The following LRRTM4 variants were observed in gnomAD, a reference collection of about 807,000 sequenced individuals.
LRRTM4 encodes the protein leucine-rich repeat transmembrane neuronal protein 4.
A neutral mutation model predicts 47.6 loss-of-function variants in LRRTM4; 25 were observed. The observed-to-expected ratio is 0.53, with a 90% confidence interval of 0.38 to 0.73. The LOEUF is 0.73. LRRTM4 is among the 30% of genes least tolerant of loss of function. The pLI, the probability that LRRTM4 is intolerant of heterozygous loss-of-function variation, is 0.00. For synonymous variants in LRRTM4, 311 were observed against 269.5 expected, an observed-to-expected ratio of 1.15 and a Z score of -1.51; for missense variants, 638 against 713.4, an observed-to-expected ratio of 0.89 and a Z score of 1.20.
At chr2:76,955,949 C>A (rs1307255178) in intron 3 of LRRTM4, among the ~76,000 whole-genome samples, 1 of 150,886 alleles carries the variant, frequency 6.6e-6, no homozygotes, top group East Asian at 2.0e-4. Context: ...AATAAAATGG[C>A]AAAAGTAAAT....
At chr2:77,169,890 T>A (rs2103830749) in intron 3 of LRRTM4, among the ~76,000 whole-genome samples, 1 of 152,294 alleles carries the variant, frequency 6.6e-6, no homozygotes, top group East Asian at 1.9e-4. Context: ...TTGTGTAAAG[T>A]TTTTTTAGGT....
intron 3 of LRRTM4, among the ~76,000 whole-genome samples, chr2:77,471,118 A>G (rs1366004894): frequency 6.6e-6 from 1 of 152,072 alleles, no homozygotes; most frequent in Non-Finnish European, 1.5e-5. Context: ...TGACATTTCC[A>G]CTTGCATTTC....
intron 3 of LRRTM4, among the ~76,000 whole-genome samples, chr2:77,253,588 G>A (rs1325396301): frequency 6.6e-6 from 1 of 152,032 alleles, no homozygotes; most frequent in Non-Finnish European, 1.5e-5. Flanking sequence ...ACTTGAAAAG[G>A]AAATGACAAC....
At chr2:76,929,754 A>G (rs907664649) in intron 3 of LRRTM4, among the ~76,000 whole-genome samples, 1 of 152,198 alleles carries the variant, frequency 6.6e-6, no homozygotes, top group South Asian at 2.1e-4. Flanking sequence ...CCACCAAACC[A>G]CATATCCTAG....
chr2:76,851,335 C>A (rs1671988381), intron 3 of LRRTM4, among the ~76,000 whole-genome samples: 1 of 152,144 alleles, frequency 6.6e-6, no homozygotes, highest in South Asian at 2.1e-4. Flanking sequence ...AGCTTAACAA[C>A]CACTTTACCT....
intron 3 of LRRTM4, among the ~76,000 whole-genome samples, chr2:77,391,920 A>G (rs1181144104): frequency 6.6e-6 from 1 of 152,074 alleles, no homozygotes; most frequent in African/African-American, 2.4e-5. Context: ...TGGTACGGCA[A>G]CATATAATAG....
At chr2:77,040,237 A>C (rs1357630400) in intron 3 of LRRTM4, among the ~76,000 whole-genome samples, 1 of 151,228 alleles carries the variant, frequency 6.6e-6, no homozygotes, top group East Asian at 1.9e-4. Flanking sequence ...CATATATTGA[A>C]CCTCCTTATG....
intron 3 of LRRTM4, among the ~76,000 whole-genome samples, chr2:77,183,236 A>G (rs149501871): frequency 1.3e-3 from 205 of 152,310 alleles, no homozygotes; most frequent in African/African-American, 4.8e-3. Context: ...ACAAATTTAC[A>G]ACAAAAAAAC....
intron 3 of LRRTM4, among the ~76,000 whole-genome samples, chr2:76,979,541 G>GTGTATATATATATATATATATATATA (rs1553439564): frequency 1.6e-5 from 2 of 126,904 alleles, no homozygotes; most frequent in African/African-American, 6.9e-5. Flanking sequence ...CTGAATTTCT[G>GTGTATATATATATATATATATATATA]TATATATATA....
chr2:77,332,996 T>C (rs190895524), intron 3 of LRRTM4, among the ~76,000 whole-genome samples: 3 of 152,246 alleles, frequency 2.0e-5, no homozygotes, highest in African/African-American at 4.8e-5. Context: ...TGTTCTCACG[T>C]TAGTGAATGA....
At chr2:76,765,181 C>T (rs537307184) in intron 3 of LRRTM4, among the ~76,000 whole-genome samples, 52 of 152,262 alleles carry the variant, frequency 3.4e-4, no homozygotes, top group Non-Finnish European at 6.0e-4. Flanking sequence ...TAGAATAGGT[C>T]GTCTATTCTA....
At chr2:77,035,092 T>C (rs922360522) in intron 3 of LRRTM4, among the ~76,000 whole-genome samples, 24 of 151,992 alleles carry the variant, frequency 1.6e-4, no homozygotes, top group Admixed American at 1.4e-3. Context: ...CTTTAAGTTC[T>C]AGGGTACATG....
rs529215291 is a variant in LRRTM4 at position 76,894,466 on chromosome 2, ATTTG to A, written c.1552-145554_1552-145551del. ...AGGATATGTCTAAACTATTTCATAAATTTGTTTGTAATCACTTGAAACTTTCACA... is the reference window on the plus strand; with the variant it reads ...AGGATATGTCTAAACTATTTCATAAATTTGTAATCACTTGAAACTTTCACA... On this transcript the variant is annotated intron_variant, in intron 3 of 3. Transcript: ENST00000409884. 4.0e-4 allele frequency among the ~76,000 whole-genome samples: 61 copies of A among 152,158 alleles called. No homozygotes were observed. In the East Asian group the frequency reaches 7.5e-3, roughly 19 times the overall value.
chr2:77,234,345 A>G (rs1675047310), intron 3 of LRRTM4, among the ~76,000 whole-genome samples: 1 of 152,198 alleles, frequency 6.6e-6, no homozygotes, highest in Non-Finnish European at 1.5e-5. Flanking sequence ...AACTCCTTGG[A>G]AAAGAGATTT....
chr2:77,434,337 C>T (rs1437436433), intron 3 of LRRTM4, among the ~76,000 whole-genome samples: 2 of 151,298 alleles, frequency 1.3e-5, no homozygotes, highest in Non-Finnish European at 2.9e-5. Context: ...GATACCAAAA[C>T]AGGCCAATAG....
intron 3 of LRRTM4, among the ~76,000 whole-genome samples, chr2:77,234,068 C>A (rs76654839): frequency 3.3e-5 from 5 of 152,224 alleles, no homozygotes; most frequent in Non-Finnish European, 5.9e-5. Context: ...CAGGTGTGAG[C>A]CACCACTCTC....
chr2:77,143,035 C>A lies in LRRTM4; in HGVS notation c.1551+375283G>T, dbSNP rs779284247. Among the ~76,000 whole-genome samples, 16 of 152,118 alleles carry A rather than the reference C, an allele frequency of 1.1e-4. 1 individual carries two copies. Among genetic ancestry groups the A allele is most frequent in the South Asian group, 6.2e-4 (3 of 4,824 alleles). On this transcript the variant is annotated intron_variant, in intron 3 of 3. Transcript: ENST00000409884. Reference sequence around the variant, plus strand: ...ACAAAATGAGACACAAAGATGAACACCCCCAATAATCACAAAATGGCAACA... The same window carrying A: ...ACAAAATGAGACACAAAGATGAACAACCCCAATAATCACAAAATGGCAACA...
chr2:77,208,941 ATAAG>A (rs1322748398), intron 3 of LRRTM4, among the ~76,000 whole-genome samples: 4 of 152,330 alleles, frequency 2.6e-5, no homozygotes, highest in Non-Finnish European at 4.4e-5. Flanking sequence ...TTTTAGACAT[ATAAG>A]TAATTCTGTG....
chr2:77,007,595 G>A (rs1404439743), intron 3 of LRRTM4, among the ~76,000 whole-genome samples: 1 of 152,104 alleles, frequency 6.6e-6, no homozygotes, highest in Non-Finnish European at 1.5e-5. Flanking sequence ...TATAAAAATG[G>A]CAACATAGGT....
Sources: allele counts gnomAD v4.1 joint callset (sites outside exome capture counted in the v4.1 genomes callset), GRCh38; gene constraint gnomAD v4.1.1; transcripts MANE v1.5; gene names NCBI Gene and HGNC (gene_info 2026-07-23, HGNC 2026-07-21).